The following RGS6 variants were observed in gnomAD, a reference collection of about 807,000 sequenced individuals.
The protein encoded by RGS6 is regulator of G-protein signaling 6.
In RGS6, 30 loss-of-function variants were observed where a neutral mutation model predicts 78.5. That is an observed-to-expected ratio of 0.38 (90% CI 0.29 to 0.52). RGS6 has a LOEUF of 0.52. Among genes scored for constraint, RGS6 ranks in the 20% least tolerant of loss-of-function variants. The pLI is 0.85. For missense variants in RGS6, 495 were observed against 609.7 expected, an observed-to-expected ratio of 0.81 and a Z score of 1.98; for synonymous variants, 206 against 206.0, an observed-to-expected ratio of 1.00 and a Z score of 0.00.
At chr14:72,036,716 G>T (rs2091765784) in intron 2 of RGS6, among the ~76,000 whole-genome samples, 1 of 151,996 alleles carries the variant, frequency 6.6e-6, no homozygotes, top group Non-Finnish European at 1.5e-5. Flanking sequence ...AATATATTCT[G>T]AGTGCAAGTA....
At chr14:72,439,067 A>G (rs719064) in intron 3 of RGS6, among the ~76,000 whole-genome samples, 94,004 of 152,044 alleles carry the variant, frequency 0.62, 30,034 homozygotes, top group East Asian at 0.83. Context: ...TTCTCAATGA[A>G]TGAAGTTTAT....
chr14:71,992,962 TATTA>T (rs1323342149), intron 2 of RGS6, among the ~76,000 whole-genome samples: 6 of 152,240 alleles, frequency 3.9e-5, no homozygotes, highest in African/African-American at 7.2e-5. Context: ...TTGTCTTCTC[TATTA>T]ATTTGTTGGA....
chr14:72,456,908 C>A (rs1186932746), intron 4 of RGS6, among the ~76,000 whole-genome samples: 2 of 151,156 alleles, frequency 1.3e-5, no homozygotes, highest in Admixed American at 1.3e-4. Flanking sequence ...CAAAACCCTA[C>A]CTCTACCAAA....
chr14:72,022,146 G>A (rs117390716), intron 2 of RGS6, among the ~76,000 whole-genome samples: 2,134 of 152,118 alleles, frequency 0.014, 19 homozygotes, highest in Middle Eastern at 0.034. Context: ...TGATATATAC[G>A]TACCACATTT....
At chr14:72,013,907 T>A (rs1030475456) in intron 2 of RGS6, among the ~76,000 whole-genome samples, 1 of 152,258 alleles carries the variant, frequency 6.6e-6, no homozygotes, top group Non-Finnish European at 1.5e-5. Context: ...CTTTAATTCA[T>A]GTGCTGTTCC....
At chr14:71,914,391 A>G in the RGS6 span, among the ~76,000 whole-genome samples, 1 of 152,188 alleles carries the variant, frequency 6.6e-6, no homozygotes, top group Non-Finnish European at 1.5e-5. Flanking sequence ...GGGAACCTAC[A>G]CCAATGACCA....
chr14:72,550,504 A>C, intron 17 of RGS6: 1 of 1,535,744 alleles, frequency 6.5e-7, no homozygotes, highest in South Asian at 1.2e-5. Flanking sequence ...TTAACATCAT[A>C]GCACATTACA....
At chr14:72,110,697 G>T (rs1047881003) in intron 2 of RGS6, among the ~76,000 whole-genome samples, 4 of 152,116 alleles carry the variant, frequency 2.6e-5, no homozygotes, top group African/African-American at 9.7e-5. Context: ...CTGTTGCTTT[G>T]GTATGTAAGG....
chr14:71,961,330 G>C (rs1430026314), intron 1 of RGS6, among the ~76,000 whole-genome samples: 1 of 152,186 alleles, frequency 6.6e-6, no homozygotes. Flanking sequence ...GAACTCTAAG[G>C]TTGCTGGATT....
At chr14:72,493,016 A>G (rs2096598572) in intron 12 of RGS6, among the ~76,000 whole-genome samples, 1 of 151,950 alleles carries the variant, frequency 6.6e-6, no homozygotes, top group South Asian at 2.1e-4. Flanking sequence ...CAGAGGAAAG[A>G]CTCCAGATCC....
intron 2 of RGS6, among the ~76,000 whole-genome samples, chr14:72,049,717 A>C (rs2093106761): frequency 6.6e-6 from 1 of 152,212 alleles, no homozygotes; most frequent in Non-Finnish European, 1.5e-5. Flanking sequence ...TCTTGCAGTC[A>C]TCTGCCTTAT....
At chr14:72,261,333 AGAG>A (rs1399028363) in intron 2 of RGS6, among the ~76,000 whole-genome samples, 5 of 152,208 alleles carry the variant, frequency 3.3e-5, no homozygotes, top group African/African-American at 1.2e-4. Flanking sequence ...GAATGAAAGC[AGAG>A]GAGGAGGGTA....
At chr14:71,976,353 T>C (rs2094128231) in intron 2 of RGS6, among the ~76,000 whole-genome samples, 1 of 151,398 alleles carries the variant, frequency 6.6e-6, no homozygotes, top group South Asian at 2.1e-4. Context: ...GCTGGTGCGC[T>C]GCACCCACTA....
chr14:72,206,144 C>G (rs1334464359), intron 2 of RGS6, among the ~76,000 whole-genome samples: 1 of 152,150 alleles, frequency 6.6e-6, no homozygotes, highest in Non-Finnish European at 1.5e-5. Context: ...TAATATGCCT[C>G]TACTCTTGAA....
chr14:72,340,006 A>G (rs1011522437), intron 2 of RGS6, among the ~76,000 whole-genome samples: 13 of 152,022 alleles, frequency 8.6e-5, no homozygotes, highest in African/African-American at 2.9e-4. Flanking sequence ...AAAATCCTCA[A>G]GGGGCCCCTC....
intron 2 of RGS6, among the ~76,000 whole-genome samples, chr14:72,313,596 T>C (rs1351540961): frequency 6.6e-6 from 1 of 152,170 alleles, no homozygotes; most frequent in East Asian, 1.9e-4. Context: ...GCCCCTGAAA[T>C]CAGGGAGCCA....
chr14:72,133,328 A>G (rs758413455), intron 2 of RGS6, among the ~76,000 whole-genome samples: 1 of 151,870 alleles, frequency 6.6e-6, no homozygotes, highest in East Asian at 1.9e-4. Flanking sequence ...ATGTCAAGAT[A>G]TACTCTAGTT....
At chr14:72,403,209 A>G (rs139675187) in intron 3 of RGS6, among the ~76,000 whole-genome samples, 1 of 152,374 alleles carries the variant, frequency 6.6e-6, no homozygotes, top group East Asian at 1.9e-4. Flanking sequence ...CTAAGTGTCC[A>G]TCGACAGATG....
chr14:72,580,969 A>C, the RGS6 span, among the ~76,000 whole-genome samples: 1 of 152,168 alleles, frequency 6.6e-6, no homozygotes, highest in Non-Finnish European at 1.5e-5. Context: ...TGGCTCAGGA[A>C]CCCTTCTCTT....
Sources: allele counts gnomAD v4.1 joint callset (sites outside exome capture counted in the v4.1 genomes callset), GRCh38; gene constraint gnomAD v4.1.1; transcripts MANE v1.5; gene names NCBI Gene and HGNC (gene_info 2026-07-23, HGNC 2026-07-21).